Variants in NPR1 observed in about 807,000 individuals in gnomAD.
The protein encoded by NPR1 is natriuretic peptide receptor 1, also known as atrial natriuretic peptide receptor 1.
Under a neutral mutation model 116.9 loss-of-function variants are expected in NPR1, and 57 were observed. That is an observed-to-expected ratio of 0.49 (90% CI 0.39 to 0.61). NPR1 has a LOEUF of 0.61. Ranked by LOEUF, NPR1 falls within the 20% of genes least tolerant of loss-of-function variation. NPR1 has a pLI of 0.00. For missense variants in NPR1, 1,096 were observed against 1,409.8 expected, an observed-to-expected ratio of 0.78 and a Z score of 3.56; for synonymous variants, 555 against 601.6, an observed-to-expected ratio of 0.92 and a Z score of 1.13.
Position 153,687,667 on chromosome 1 carries a change from T to C in NPR1, c.2126T>C (p.Met709Thr), listed in dbSNP as rs900215026. 1.9e-6 allele frequency: 3 copies of C among 1,598,520 alleles called. No individual in the cohort carries two copies. The highest frequency in any genetic ancestry group is 1.3e-5 in the African/African-American group (1 of 74,668). ...KLWTAPELLR[M>T]ASPPVRGSQA... Reference sequence around the variant, plus strand: ...TGGACGGCCCCTGAGCTCCTGCGAATGGCTTCACCCCCTGTGCGGGGCTCC... The same window carrying C: ...TGGACGGCCCCTGAGCTCCTGCGAACGGCTTCACCCCCTGTGCGGGGCTCC... Residue 709 changes from methionine to threonine, a missense_variant, in exon 14 of 22, where the codon ATG becomes ACG. Physicochemically the swap from Met to Thr is moderately conservative, Grantham distance 81. Transcript: ENST00000368680.
chr1:153,689,460 C>A lies in NPR1; in HGVS notation c.2696C>A (p.Thr899Asn). 1.2e-6 allele frequency: 2 copies of A among 1,614,156 alleles called. No individual in the cohort carries two copies. Among genetic ancestry groups the A allele is most frequent in the Non-Finnish European group, 1.7e-6 (2 of 1,180,038 alleles). Residue 899 changes from threonine (T) to asparagine (N), a missense_variant, in exon 18 of 22, where the codon ACC becomes AAC. Coordinates refer to ENST00000368680, the MANE Select transcript of NPR1 (RefSeq NM_000906.4). The surrounding 1 kb of genome is among the most constrained non-coding windows in gnomAD (Gnocchi z 5.1). ...GCTTCTCTTCCCTTCCAGGTGGTGA[C>A]CCTGCTCAATGACCTGTACACTTGC... is the stretch of plus-strand genomic sequence containing the variant. The part of the protein sequence containing the change: ...SAESTPMQVV[T>N]LLNDLYTCFD...
Position 153,686,265 on chromosome 1 carries a change from A to G in NPR1, c.1758+65A>G, listed in dbSNP as rs1046029190. The G allele has an allele frequency of 8.2e-6, 12 of 1,468,570 alleles. No homozygotes were observed. The Admixed American group carries it at 1.9e-4, about 23-fold the overall frequency. 91.0% of individuals were successfully genotyped at this position (1,468,570 alleles called of 1,614,324 possible). A position where few individuals can be genotyped will look rare whatever the true frequency, so the allele number is the denominator to read the frequency against. On this transcript the variant is annotated intron_variant, in intron 10 of 21. Transcript: ENST00000368680. ...CTCGGGGACGCAAGGGAGACTGGCC[A>G]ACAGAACTAGTTATGGAGGGACCTC...
intron 15 of NPR1, 136 bp downstream of exon 15, chr1:153,688,357 C>A: frequency 1.2e-6 from 1 of 842,548 alleles, no homozygotes; most frequent in Non-Finnish European, 1.8e-6. Flanking sequence ...TCAGCTCCAG[C>A]TCAGCACAGC....
chr1:153,680,782 G>T (rs1429294321), intron 2 of NPR1, 82 bp downstream of exon 2: 6 of 1,156,004 alleles, frequency 5.2e-6, no homozygotes, highest in Non-Finnish European at 7.2e-6. Flanking sequence ...GCGTCTGAAA[G>T]AATTCCAGAA....
rs149243009 is a variant in NPR1 at position 153,687,605 on chromosome 1, C to T, written c.2093-29C>T. The stretch of plus-strand genomic sequence containing the variant: ...CACCCCTTAGCTTTGGGCTCCCTCA[C>T]TCGGTGACTACCGACCTCTGACCCA... On this transcript the variant is annotated intron_variant, in intron 13 of 21. Transcript: ENST00000368680. 6.4e-5 allele frequency: 99 copies of T among 1,552,284 alleles called. No homozygotes were observed. The African/African-American group carries it at 1.3e-3, about 21-fold the overall frequency.
chr1:153,686,155 T>A lies in NPR1; in HGVS notation c.1713T>A (p.Arg571=). 5.0e-6 allele frequency: 8 copies of A among 1,614,068 alleles called. No individual in the cohort carries two copies. The highest frequency in any genetic ancestry group is 6.8e-6 in the Non-Finnish European group (8 of 1,180,010). Residue 571 remains arginine (R), a synonymous_variant, in exon 10 of 22, where the codon CGT becomes CGA. Transcript: ENST00000368680. ...TCGTGGCTGTGAAACGTGTGAACCG[T>A]AAACGCATTGAGCTGACACGAAAAG... is the stretch of plus-strand genomic sequence containing the variant. ...GNLVAVKRVN[R]KRIELTRKVL...
Position 153,693,546 on chromosome 1 carries a change from G to A in NPR1, c.*132G>A, listed in dbSNP as rs937698896. 2 of 762,806 alleles carry A rather than the reference G, an allele frequency of 2.6e-6. No homozygotes were observed. The highest frequency in any genetic ancestry group is 4.2e-6 in the Non-Finnish European group (2 of 476,654). The allele number at this position is 762,806 out of a possible 1,614,324, so 47.3% of individuals were successfully genotyped here. A position where few individuals can be genotyped will look rare whatever the true frequency, so the allele number is the denominator to read the frequency against. On this transcript the variant is annotated 3_prime_UTR_variant, in exon 22 of 22. Coordinates refer to ENST00000368680, the MANE Select transcript of NPR1 (RefSeq NM_000906.4). Reference sequence around the variant, plus strand: ...GTAATTTGAATAGCTCAGGTGTGCTGACCCCAGTGAAGACACCAGATAGGA... The same window carrying A: ...GTAATTTGAATAGCTCAGGTGTGCTAACCCCAGTGAAGACACCAGATAGGA...
chr1:153,679,360 C>T lies in NPR1; in HGVS notation c.252C>T (p.Ser84=). Residue 84 remains serine, a synonymous_variant, in exon 1 of 22, where the codon AGC becomes AGT. Coordinates refer to ENST00000368680, the MANE Select transcript of NPR1 (RefSeq NM_000906.4). The surrounding 1 kb of genome is among the most constrained non-coding windows in gnomAD (Gnocchi z 4.2). The part of the protein sequence containing the change: ...PGWTVRTVLG[S]SENALGVCSD... ...GGACGGTCCGCACGGTGCTGGGCAG[C>T]AGCGAAAACGCGCTGGGCGTCTGCT... 1.3e-6 allele frequency: 2 copies of T among 1,539,540 alleles called. No individual in the cohort carries two copies. Among genetic ancestry groups the T allele is most frequent in the Non-Finnish European group, 1.7e-6 (2 of 1,148,432 alleles).
Position 153,681,701 on chromosome 1 carries a change from CA to C in NPR1, c.1036-2del. ...CCCAGCCGACCTCTGTTTGCCCCTA[CA>C]GGTGAACACCATCCCAGCATCCTTC... On this transcript the variant is annotated splice_acceptor_variant, in intron 3 of 21. Coordinates refer to ENST00000368680, the MANE Select transcript of NPR1 (RefSeq NM_000906.4). LOFTEE classifies it high-confidence loss of function. The C allele has an allele frequency of 6.2e-7, 1 of 1,613,724 alleles. No individual in the cohort carries two copies.
intron 7 of NPR1, 98 bp downstream of exon 7, chr1:153,683,922 A>T: frequency 1.0e-6 from 1 of 993,954 alleles, no homozygotes; most frequent in Non-Finnish European, 1.6e-6. Context: ...GCAGGGGTGA[A>T]GGGGCACCAG....
chr1:153,690,240 C>T, intron 19 of NPR1, 44 bp from the exon 20 acceptor site: 2 of 1,468,760 alleles, frequency 1.4e-6, no homozygotes, highest in South Asian at 1.2e-5. Context: ...CCCCTCCCTC[C>T]CTCACTCGCT....
chr1:153,685,189 C>G, intron 8 of NPR1, 105 bp downstream of exon 8: 1 of 1,435,108 alleles, frequency 7.0e-7, no homozygotes, highest in Non-Finnish European at 9.4e-7. Context: ...CCCAGCTCTG[C>G]TTTCACTTGC....
In NPR1 at chr1:153,678,888, G is replaced by T; in HGVS notation, c.-221G>T. 1 of 534,056 alleles carries T rather than the reference G, an allele frequency of 1.9e-6. No individual in the cohort carries two copies. The highest frequency in any genetic ancestry group is 3.1e-6 in the Non-Finnish European group (1 of 322,406). 33.1% of individuals were successfully genotyped at this position (534,056 alleles called of 1,614,324 possible). A position where few individuals can be genotyped will look rare whatever the true frequency, so the allele number is the denominator to read the frequency against. ...CCCGACGTTCTCCTGGCACCCACCT[G>T]CTCCGCGGCGCCCTGCGCGCCCCCC... On this transcript the variant is annotated 5_prime_UTR_variant, in exon 1 of 22. Transcript: ENST00000368680. The surrounding 1 kb of genome is among the most constrained non-coding windows in gnomAD (Gnocchi z 5.8).
chr1:153,693,501 C>A lies in NPR1; in HGVS notation c.*87C>A. The A allele has an allele frequency of 8.2e-7, 1 of 1,213,234 alleles. No individual in the cohort carries two copies. The allele number at this position is 1,213,234 out of a possible 1,614,324, so 75.2% of individuals were successfully genotyped here. A position where few individuals can be genotyped will look rare whatever the true frequency, so the allele number is the denominator to read the frequency against. On this transcript the variant is annotated 3_prime_UTR_variant, in exon 22 of 22. Coordinates refer to ENST00000368680, the MANE Select transcript of NPR1 (RefSeq NM_000906.4). ...AGGCCTCAGCCTCACCCACAGCAGC[C>A]CCATCGCCAAAGGATGGAAGTAATT...
chr1:153,682,811 G>C (rs1419644549), intron 5 of NPR1, among the ~76,000 whole-genome samples: 1 of 152,236 alleles, frequency 6.6e-6, no homozygotes, highest in Admixed American at 6.5e-5. Flanking sequence ...CCATGCCTGA[G>C]GAGGGAGCAC....
Position 153,689,522 on chromosome 1 carries a change from G to T in NPR1, c.2757+1G>T. ...CATAGACAACTTTGATGTGTACAAG[G>T]TGAGGGTGGGAGTGGGGATGGGAAG... On this transcript the variant is annotated splice_donor_variant, in intron 18 of 21. Coordinates refer to ENST00000368680, the MANE Select transcript of NPR1 (RefSeq NM_000906.4). LOFTEE classifies it high-confidence loss of function. The surrounding 1 kb of genome is among the most constrained non-coding windows in gnomAD (Gnocchi z 5.1). 1 of 1,613,836 alleles carries T rather than the reference G, an allele frequency of 6.2e-7. No homozygotes were observed. Among genetic ancestry groups the T allele is most frequent in the South Asian group, 1.1e-5 (1 of 91,082 alleles).
At position 153,689,295 on chromosome 1, in the gene NPR1, A is replaced by G; in HGVS notation, c.2672A>G (p.Glu891Gly). The G allele has an allele frequency of 1.2e-6, 2 of 1,614,218 alleles. No individual in the cohort carries two copies. Among genetic ancestry groups the G allele is most frequent in the African/African-American group, 2.7e-5 (2 of 75,050 alleles). Residue 891 changes from glutamate (E) to glycine (G), a missense_variant, in exon 17 of 22, where the codon GAG becomes GGG. By Grantham distance (98) the Glu-to-Gly change is moderately conservative. Coordinates refer to ENST00000368680, the MANE Select transcript of NPR1 (RefSeq NM_000906.4). The surrounding 1 kb of genome is among the most constrained non-coding windows in gnomAD (Gnocchi z 5.1). ...GTGGGTTTCACAGCGCTGTCGGCGG[A>G]GAGCACACCCATGCAGGTAGGCCAG... ...DIVGFTALSA[E>G]STPMQVVTLL...
chr1:153,689,780 C>A lies in NPR1; in HGVS notation c.2758-26C>A. The A allele has an allele frequency of 6.6e-7, 1 of 1,509,252 alleles. No homozygotes were observed. Among genetic ancestry groups the A allele is most frequent in the Non-Finnish European group, 8.9e-7 (1 of 1,121,234 alleles). The allele number at this position is 1,509,252 out of a possible 1,614,324, so 93.5% of individuals were successfully genotyped here. A position where few individuals can be genotyped will look rare whatever the true frequency, so the allele number is the denominator to read the frequency against. Reference sequence around the variant, plus strand: ...GGCCGCACAGTTGCAGCCGTCAAGTCCTGCACCCCCTCGCCACTCCCACAG... The same window carrying A: ...GGCCGCACAGTTGCAGCCGTCAAGTACTGCACCCCCTCGCCACTCCCACAG... On this transcript the variant is annotated intron_variant, in intron 18 of 21. Coordinates refer to ENST00000368680, the MANE Select transcript of NPR1 (RefSeq NM_000906.4). This position sits in a 1 kb window ranked among gnomAD's most constrained non-coding sequence, Gnocchi z 5.1.
Position 153,683,774 on chromosome 1 carries a change from G to A in NPR1, c.1434G>A (p.Val478=). The A allele has an allele frequency of 6.2e-7, 1 of 1,614,082 alleles. No homozygotes were observed. The highest frequency in any genetic ancestry group is 1.1e-5 in the South Asian group (1 of 91,088). The part of the protein sequence containing the change: ...HLSTLEVLAL[V]GSLSLLGILI... ...CCACCCTGGAGGTGCTGGCTTTGGTGGGCAGCCTCTCCTTGCTCGGCATTC... is the reference window on the plus strand; with the variant it reads ...CCACCCTGGAGGTGCTGGCTTTGGTAGGCAGCCTCTCCTTGCTCGGCATTC... Residue 478 remains valine, a synonymous_variant, in exon 7 of 22, where the codon GTG becomes GTA. Transcript: ENST00000368680.
Sources: gnomAD v4.1 joint callset for allele counts (sites outside exome capture counted in the v4.1 genomes callset) on GRCh38, gnomAD v4.1.1 for gene constraint, Gnocchi (gnomAD v3.1) non-coding constraint, MANE v1.5 for transcripts, NCBI Gene and HGNC (gene_info 2026-07-23, HGNC 2026-07-21) for gene names.